The following DRAM1 variants were observed in gnomAD, a reference collection of about 807,000 sequenced individuals.
DRAM1 encodes DNA damage-regulated autophagy modulator protein 1.
DRAM1 carries 25 observed loss-of-function variants against 28.5 expected under a neutral mutation model. That is an observed-to-expected ratio of 0.88 (90% CI 0.64 to 1.23). The LOEUF is 1.23. DRAM1 is among the 50% of genes most tolerant of loss of function. The pLI is 0.00. For missense variants in DRAM1, 249 were observed against 299.2 expected, an observed-to-expected ratio of 0.83 and a Z score of 1.24; for synonymous variants, 113 against 114.2, an observed-to-expected ratio of 0.99 and a Z score of 0.07.
chr12:101,919,444 G>A (rs1874390644), intron 5 of DRAM1, among the ~76,000 whole-genome samples: 1 of 151,868 alleles, frequency 6.6e-6, no homozygotes, highest in African/African-American at 2.4e-5. Flanking sequence ...TAATTTTCTG[G>A]CCTCCATAGG....
chr12:101,910,522 G>C (rs1874000613), intron 4 of DRAM1, among the ~76,000 whole-genome samples: 1 of 148,582 alleles, frequency 6.7e-6, no homozygotes, highest in Non-Finnish European at 1.5e-5. Context: ...CTGTCACCCA[G>C]GCTGGAGTGC....
chr12:101,909,762 G>A (rs1301509703), intron 4 of DRAM1, among the ~76,000 whole-genome samples: 5 of 152,252 alleles, frequency 3.3e-5, no homozygotes, highest in African/African-American at 1.2e-4. Flanking sequence ...TAGAGGAAAC[G>A]AAAGCTTTTT....
At chr12:101,895,824 G>A (rs1873346954) in intron 1 of DRAM1, among the ~76,000 whole-genome samples, 1 of 151,630 alleles carries the variant, frequency 6.6e-6, no homozygotes, top group East Asian at 1.9e-4. Context: ...CCTGCCTCGG[G>A]CTCCCGTAGT....
chr12:101,907,368 C>T (rs1006261901), intron 3 of DRAM1, among the ~76,000 whole-genome samples: 2 of 151,498 alleles, frequency 1.3e-5, no homozygotes, highest in Non-Finnish European at 2.9e-5. Context: ...CATCATGGAA[C>T]GAGTCACGTA....
chr12:101,909,261 C>CAAAAAAAAAAAAA (rs367840267), intron 4 of DRAM1, among the ~76,000 whole-genome samples: 12 of 141,864 alleles, frequency 8.5e-5, no homozygotes, highest in Admixed American at 2.1e-4. Flanking sequence ...AACTCCGTCT[C>CAAAAAAAAAAAAA]AAAAAAAAAA....
At chr12:101,919,284 GCACACA>G (rs545205706) in intron 5 of DRAM1, among the ~76,000 whole-genome samples, 2 of 147,518 alleles carry the variant, frequency 1.4e-5, no homozygotes, top group South Asian at 4.3e-4. Context: ...ACACACACAC[GCACACA>G]CACACACACA....
chr12:101,906,716 G>A (rs7309136), intron 3 of DRAM1, among the ~76,000 whole-genome samples: 41,386 of 151,720 alleles, frequency 0.27, 6,175 homozygotes, highest in East Asian at 0.39. Context: ...TTAGCTCAGC[G>A]TGGTGGTGCA....
intron 1 of DRAM1, among the ~76,000 whole-genome samples, chr12:101,890,833 C>T (rs1183265461): frequency 6.6e-6 from 1 of 151,438 alleles, no homozygotes; most frequent in East Asian, 1.9e-4. Context: ...TCACTGCAAC[C>T]TCCACTTCCC....
chr12:101,895,927 C>T (rs1873352585), intron 1 of DRAM1, among the ~76,000 whole-genome samples: 2 of 151,704 alleles, frequency 1.3e-5, no homozygotes, highest in Non-Finnish European at 2.9e-5. Context: ...TGCTCTGTTG[C>T]CCAGGCTGGA....
chr12:101,888,388 C>T (rs113016059), intron 1 of DRAM1, among the ~76,000 whole-genome samples: 64 of 152,290 alleles, frequency 4.2e-4, no homozygotes, highest in African/African-American at 1.4e-3. Flanking sequence ...ACCTCAGCCT[C>T]CCGAAGTGCT....
At chr12:101,906,423 C>T (rs541254135) in intron 3 of DRAM1, among the ~76,000 whole-genome samples, 3 of 152,216 alleles carry the variant, frequency 2.0e-5, no homozygotes, top group Admixed American at 1.3e-4. Flanking sequence ...CAAGGGGTGG[C>T]CTGTGGCCAA....
chr12:101,909,560 G>A (rs775032219), intron 4 of DRAM1, among the ~76,000 whole-genome samples: 3 of 152,122 alleles, frequency 2.0e-5, no homozygotes, highest in Non-Finnish European at 2.9e-5. Context: ...AAGACAGTTT[G>A]ATTTACTCAT....
chr12:101,882,546 C>T (rs1471844873), intron 1 of DRAM1, among the ~76,000 whole-genome samples: 2 of 151,396 alleles, frequency 1.3e-5, no homozygotes, highest in Admixed American at 1.3e-4. Flanking sequence ...TGTTATTCTT[C>T]AGCATATTGG....
chr12:101,905,874 C>G lies in DRAM1; in HGVS notation c.343-2312C>G, dbSNP rs148974621. Among the ~76,000 whole-genome samples the G allele has an allele frequency of 3.6e-3, 555 of 152,246 alleles. 8 individuals are homozygous for G. Among genetic ancestry groups the G allele is most frequent in the African/African-American group, 0.013 (530 of 41,524 alleles). On this transcript the variant is annotated intron_variant, in intron 3 of 6. Transcript: ENST00000258534. ...GCACAATCTCGGCTTACTGCAGTCTCCACCTCCTGGGGTCCAGTAATTCTC... is the reference window on the plus strand; with the variant it reads ...GCACAATCTCGGCTTACTGCAGTCTGCACCTCCTGGGGTCCAGTAATTCTC...
At chr12:101,919,923 C>T (rs1874411984) in intron 5 of DRAM1, 186 bp from the exon 6 acceptor site, 1 of 402,180 alleles carries the variant, frequency 2.5e-6, no homozygotes, top group Non-Finnish European at 4.4e-6. Flanking sequence ...TACCTGCCTT[C>T]GCATTCTCAG....
intron 3 of DRAM1, 192 bp downstream of exon 3, chr12:101,901,625 C>A (rs1873608434): frequency 5.0e-6 from 3 of 599,038 alleles, no homozygotes; most frequent in Non-Finnish European, 8.4e-6. Context: ...GTGGCTCACA[C>A]CTGTAATCCC....
At chr12:101,911,414 C>T (rs1278557417) in intron 4 of DRAM1, among the ~76,000 whole-genome samples, 1 of 152,226 alleles carries the variant, frequency 6.6e-6, no homozygotes, top group East Asian at 1.9e-4. Flanking sequence ...TCTAAAGCTT[C>T]TGAAAGCCTT....
At chr12:101,898,053 C>G in intron 2 of DRAM1, 123 bp downstream of exon 2, 3 of 573,986 alleles carry the variant, frequency 5.2e-6, no homozygotes, top group Non-Finnish European at 8.4e-6. Flanking sequence ...GAGACAGGGT[C>G]TCTGTCATCC....
At chr12:101,907,216 A>AAAAAG (rs1555283679) in intron 3 of DRAM1, among the ~76,000 whole-genome samples, 1 of 140,616 alleles carries the variant, frequency 7.1e-6, no homozygotes. Context: ...AAAAAAAAAA[A>AAAAAG]AAGAAGAAAA....
Sources: allele counts gnomAD v4.1 joint callset (sites outside exome capture counted in the v4.1 genomes callset), GRCh38; gene constraint gnomAD v4.1.1; transcripts MANE v1.5; gene names NCBI Gene and HGNC (gene_info 2026-07-23, HGNC 2026-07-21).